Variants in KIF12 observed in about 807,000 individuals in gnomAD.
KIF12 encodes the protein kinesin-like protein KIF12.
In KIF12, 80 loss-of-function variants were observed where a neutral mutation model predicts 87.9. The ratio of observed to expected loss-of-function variants is 0.91; its 90% CI spans 0.76 to 1.10. KIF12 has a LOEUF of 1.10. KIF12 is among the 50% of genes least tolerant of loss of function. The pLI, the probability that KIF12 is intolerant of heterozygous loss-of-function variation, is 0.00. For missense variants in KIF12, 819 were observed against 865.3 expected, an observed-to-expected ratio of 0.95 and a Z score of 0.67; for synonymous variants, 353 against 348.5, an observed-to-expected ratio of 1.01 and a Z score of -0.14.
intron 16 of KIF12, 123 bp downstream of exon 16, chr9:114,093,106 G>C: frequency 1.7e-6 from 2 of 1,156,956 alleles, no homozygotes; most frequent in Non-Finnish European, 2.5e-6. Flanking sequence ...CCCTAGGCCA[G>C]CCATTCACTC....
At chr9:114,094,997 C>G in intron 11 of KIF12, 26 bp downstream of exon 11, 1 of 1,527,646 alleles carries the variant, frequency 6.5e-7, no homozygotes, top group Non-Finnish European at 8.8e-7. Context: ...ACGCCTGTCC[C>G]TCAGCTTGTG....
In KIF12 at chr9:114,098,501, T is replaced by TGGAGGGCGGGGCACGCG. The variant is rs1564385553; in HGVS notation, c.172-73_172-72insCGCGTGCCCCGCCCTCC. The TGGAGGGCGGGGCACGCG allele has an allele frequency of 3.4e-5, 26 of 768,592 alleles. 2 individuals carry two copies. Among genetic ancestry groups the TGGAGGGCGGGGCACGCG allele is most frequent in the Middle Eastern group, 4.6e-4 (1 of 2,176 alleles). The allele number at this position is 768,592 out of a possible 1,614,324, so 47.6% of individuals were successfully genotyped here. ...GGCACCCTGGAGGGGCGGGGCACCG[T>TGGAGGGCGGGGCACGCG]GGAGGAGGGCGGGGCACGCGGGAGG... On this transcript the variant is annotated intron_variant, in intron 3 of 18. Transcript: ENST00000640217.
In KIF12 at chr9:114,093,421, C is replaced by T. The variant is rs1847077421; in HGVS notation, c.1477G>A (p.Ala493Thr). ...GTGAGACTCACATGGCAAGGGGGAG[C>T]TGGGGCCATCAAGCAGGGACACGGT... ...TPPCPCLMAP[A>T]PPCHALPPLY... Residue 493 changes from alanine to threonine, a missense_variant, in exon 15 of 19, where the codon GCT (alanine) becomes ACT (threonine). Coordinates refer to ENST00000640217, the MANE Select transcript of KIF12 (RefSeq NM_001388308.1). The T allele has an allele frequency of 4.5e-6, 7 of 1,567,376 alleles. No homozygotes were observed. The highest frequency in any genetic ancestry group is 6.1e-6 in the Non-Finnish European group (7 of 1,155,842).
chr9:114,097,147 CATGCCT>C (rs141480412), intron 7 of KIF12, among the ~76,000 whole-genome samples, 148 bp downstream of exon 7: 15,994 of 152,200 alleles, frequency 0.11, 983 homozygotes, highest in Non-Finnish European at 0.14. Flanking sequence ...GCCCTTGGGC[CATGCCT>C]TTGAATTGTG....
At position 114,093,462 on chromosome 9, in the gene KIF12, C is replaced by A. The variant is rs1369706513; in HGVS notation, c.1436G>T (p.Gly479Val). ...GGGACACGGTGGGGTCAGGCCAGGA[C>A]CCTGCTGGTGATGGTAGCAGGCAGA... Reference protein sequence around the residue: ...LLSACYHHQQGPGLTPPCPCL... With the variant: ...LLSACYHHQQVPGLTPPCPCL... Residue 479 changes from glycine to valine, a missense_variant, in exon 15 of 19, where the codon GGT becomes GTT. Transcript: ENST00000640217. 3.2e-6 allele frequency: 5 copies of A among 1,566,630 alleles called. No homozygotes were observed. The South Asian group carries it at 5.9e-5, about 18-fold the overall frequency.
At position 114,095,061 on chromosome 9, in the gene KIF12, G is replaced by A. The variant is rs757380683; in HGVS notation, c.1081C>T (p.Arg361Ter). The A allele has an allele frequency of 1.6e-5, 25 of 1,609,142 alleles. No individual in the cohort carries two copies. The highest frequency in any genetic ancestry group is 6.7e-5 in the African/African-American group (5 of 74,880). ...GGTCGGGTGGTGACCCGCTGAGCTC[G>A]GCTTGCATATCGCAGGGTGCTGAGA... ...ETLSTLRYASRAQRVTTRPQA... is the reference protein window; with the variant it reads ...ETLSTLRYAS Residue 361 changes from arginine to a stop codon, truncating the protein, a stop_gained, in exon 11 of 19, where the codon CGA (arginine) becomes TGA (stop). Coordinates refer to ENST00000640217, the MANE Select transcript of KIF12 (RefSeq NM_001388308.1). LOFTEE classifies it high-confidence loss of function.
rs374372488 is a variant in KIF12, at chr9:114,095,167, C to A, written c.1015-40G>T. ...CCCCCTGAGCGCTCCTCTCTGAGGG[C>A]CCCTTCCTCAAGACCCAACCTTCCC... On this transcript the variant is annotated intron_variant, in intron 10 of 18. Transcript: ENST00000640217. 1.9e-5 allele frequency: 31 copies of A among 1,609,812 alleles called. No individual in the cohort carries two copies. The African/African-American group carries it at 2.9e-4, about 15-fold the overall frequency.
rs778738547 is a variant in KIF12 at position 114,097,377 on chromosome 9, A to G, written c.570T>C (p.Thr190=). The G allele has an allele frequency of 6.2e-7, 1 of 1,607,792 alleles. No individual in the cohort carries two copies. The highest frequency in any genetic ancestry group is 1.3e-5 in the African/African-American group (1 of 74,302). The change falls in exon 7 of 19, where the codon ACT becomes ACC. Residue 190 remains threonine (T), a synonymous_variant. Transcript: ENST00000640217. ...PRPLPVRWNK[T]RGFYVEQLRV... is the part of the protein sequence containing the mutation. ...GCAGCTGCTCCACATAGAAGCCCCG[A>G]GTCTTGTTCCAGCGAACAGGGAGGG...
chr9:114,099,233 G>A lies in KIF12; in HGVS notation c.26+18C>T, dbSNP rs1457725144. 1.3e-6 allele frequency: 2 copies of A among 1,550,888 alleles called. No individual in the cohort carries two copies. Reference sequence around the variant, plus strand: ...CGGCTGTTCAGGACTCCTCGAACCTGTCTGAAGATCTGCTTACCCGTCGGG... The same window carrying A: ...CGGCTGTTCAGGACTCCTCGAACCTATCTGAAGATCTGCTTACCCGTCGGG... On this transcript the variant is annotated intron_variant, in intron 1 of 18. Transcript: ENST00000640217.
intron 6 of KIF12, 55 bp from the exon 7 acceptor site, chr9:114,097,491 C>T: frequency 6.3e-7 from 1 of 1,575,926 alleles, no homozygotes; most frequent in African/African-American, 1.4e-5. Context: ...TCCACCCATC[C>T]CCAGATCTTA....
At position 114,091,821 on chromosome 9, in the gene KIF12, CTG is replaced by C; in HGVS notation, c.*38_*39del. On this transcript the variant is annotated 3_prime_UTR_variant, in exon 19 of 19. Coordinates refer to ENST00000640217, the MANE Select transcript of KIF12 (RefSeq NM_001388308.1). ...GAAGCCCAAGAGTGTGGAGCCCAGT[CTG>C]AGGTCACACAGCAGTCTCCTGGGTT... The C allele has an allele frequency of 6.4e-7, 1 of 1,551,578 alleles. No individual in the cohort carries two copies. Among genetic ancestry groups the C allele is most frequent in the South Asian group, 1.2e-5 (1 of 83,654 alleles).
rs1847188394 is a variant in KIF12 at position 114,095,558 on chromosome 9, T to G, written c.896-226A>C. Among the ~76,000 whole-genome samples the G allele has an allele frequency of 2.6e-5, 4 of 152,186 alleles. No homozygotes were observed. In the South Asian group the frequency reaches 8.3e-4, roughly 32 times the overall value. On this transcript the variant is annotated intron_variant, in intron 9 of 18. Coordinates refer to ENST00000640217, the MANE Select transcript of KIF12 (RefSeq NM_001388308.1). ...GACCCTCAATGCCCAGCAAAGTGCC[T>G]GGTACTCAGGCACTCAGAAGGAAAC... is the stretch of plus-strand genomic sequence containing the variant.
In KIF12 at chr9:114,091,844, G is replaced by A; in HGVS notation, c.*17C>T. 6.3e-7 allele frequency: 1 copy of A among 1,586,570 alleles called. No homozygotes were observed. Among genetic ancestry groups the A allele is most frequent in the Non-Finnish European group, 8.6e-7 (1 of 1,161,154 alleles). On this transcript the variant is annotated 3_prime_UTR_variant, in exon 19 of 19. Coordinates refer to ENST00000640217, the MANE Select transcript of KIF12 (RefSeq NM_001388308.1). The stretch of plus-strand genomic sequence containing the variant: ...GTCTGAGGTCACACAGCAGTCTCCT[G>A]GGTTCCCACTTGGCCTTCAATGGGG...
At position 114,092,609 on chromosome 9, in the gene KIF12, G is replaced by T. The variant is rs1286640087; in HGVS notation, c.1630C>A (p.Pro544Thr). The stretch of plus-strand genomic sequence containing the variant: ...GCCCAGGGTGGGGGCCGGGCAGATG[G>T]GGGCCTGCCACCTGAGGCCTCAGGG... ...LDPEASGGRP[P>T]SARPPPWAPP... Residue 544 changes from proline to threonine, a missense_variant, in exon 17 of 19, where the codon CCA becomes ACA. By Grantham distance (38) the Pro-to-Thr change is conservative (BLOSUM62 -1). Coordinates refer to ENST00000640217, the MANE Select transcript of KIF12 (RefSeq NM_001388308.1). 5.0e-6 allele frequency: 8 copies of T among 1,600,354 alleles called. No individual in the cohort carries two copies. Among genetic ancestry groups the T allele is most frequent in the Non-Finnish European group, 6.8e-6 (8 of 1,175,934 alleles).
In KIF12 at chr9:114,091,686, G is replaced by T; in HGVS notation, c.*175C>A. ...TCATGTATTTCATCCCCTGCTGCCT[G>T]GTTTCTCCTGAATCCCCTTGTTCCC... On this transcript the variant is annotated 3_prime_UTR_variant, in exon 19 of 19. Coordinates refer to ENST00000640217, the MANE Select transcript of KIF12 (RefSeq NM_001388308.1). 1 of 574,576 alleles carries T rather than the reference G, an allele frequency of 1.7e-6. No homozygotes were observed. The highest frequency in any genetic ancestry group is 3.0e-6 in the Non-Finnish European group (1 of 337,750). The allele number at this position is 574,576 out of a possible 1,614,324, so 35.6% of individuals were successfully genotyped here.
At chr9:114,093,201 C>A (rs1847066461) in intron 16 of KIF12, 28 bp downstream of exon 16, 1 of 1,522,330 alleles carries the variant, frequency 6.6e-7, no homozygotes, top group Admixed American at 2.0e-5. Flanking sequence ...TCCCAGCCTT[C>A]CCTCACTCCC....
intron 13 of KIF12, 33 bp downstream of exon 13, chr9:114,094,148 G>A: frequency 6.3e-7 from 1 of 1,588,144 alleles, no homozygotes; most frequent in South Asian, 1.1e-5. Flanking sequence ...TGGGTGGGGA[G>A]CAGCATCCCT....
rs776122749 is a variant in KIF12 at position 114,097,405 on chromosome 9, C to T, written c.542G>A (p.Arg181Gln). 3 of 1,601,864 alleles carry T rather than the reference C, an allele frequency of 1.9e-6. No homozygotes were observed. Among genetic ancestry groups the T allele is most frequent in the South Asian group, 2.2e-5 (2 of 89,006 alleles). Residue 181 changes from arginine (R) to glutamine (Q), a missense_variant, in exon 7 of 19, where the codon CGG (arginine) becomes CAG (glutamine). Arg to Gln is a conservative substitution (Grantham distance 43, BLOSUM62 1). Coordinates refer to ENST00000640217, the MANE Select transcript of KIF12 (RefSeq NM_001388308.1). ...CTTGTTCCAGCGAACAGGGAGGGGC[C>T]GGGGAGACCCCAGGCTCAGCAAGTC... is the stretch of plus-strand genomic sequence containing the variant. The part of the protein sequence containing the change: ...VRDLLSLGSP[R>Q]PLPVRWNKTR...
chr9:114,095,166 G>A, intron 10 of KIF12, 39 bp from the exon 11 acceptor site: 1 of 1,609,752 alleles, frequency 6.2e-7, no homozygotes, highest in Non-Finnish European at 8.5e-7. Context: ...CTCTCTGAGG[G>A]CCCCTTCCTC....
Sources: allele counts gnomAD v4.1 joint callset (sites outside exome capture counted in the v4.1 genomes callset), GRCh38; gene constraint gnomAD v4.1.1; transcripts MANE v1.5; gene names NCBI Gene and HGNC (gene_info 2026-07-23, HGNC 2026-07-21).